The following DNAH14 variants were observed in gnomAD, a reference collection of about 807,000 sequenced individuals.
DNAH14 encodes the protein axonemal beta dynein heavy chain 14.
DNAH14 carries 478 observed loss-of-function variants against 520.9 expected under a neutral mutation model. That is an observed-to-expected ratio of 0.92 (90% confidence interval 0.85 to 0.99). The LOEUF (loss-of-function observed/expected upper bound fraction) is 0.99. Ranked by LOEUF, DNAH14 falls within the 50% of genes least tolerant of loss-of-function variation. The pLI is 0.00. For missense variants in DNAH14, 4,831 were observed against 5,234.5 expected, an observed-to-expected ratio of 0.92 and a Z score of 2.38; for synonymous variants, 1,581 against 1,757.2, an observed-to-expected ratio of 0.90 and a Z score of 2.51.
intron 21 of DNAH14, among the ~76,000 whole-genome samples, chr1:225,087,303 A>G (rs1404306020): frequency 6.6e-6 from 1 of 152,216 alleles, no homozygotes. Flanking sequence ...AATTCCCACA[A>G]TAACTAATCC....
chr1:225,248,747 T>A (rs1355963155), intron 43 of DNAH14, among the ~76,000 whole-genome samples: 2 of 152,138 alleles, frequency 1.3e-5, no homozygotes, highest in Non-Finnish European at 2.9e-5. Context: ...TGCAATGACA[T>A]AACAAATAGG....
intron 34 of DNAH14, among the ~76,000 whole-genome samples, chr1:225,154,501 C>T (rs1040871928): frequency 6.6e-6 from 1 of 152,018 alleles, no homozygotes; most frequent in Non-Finnish European, 1.5e-5. Flanking sequence ...CACTGTGGTA[C>T]TGGCTCATGA....
At chr1:225,051,969 T>C (rs1289921118) in intron 17 of DNAH14, among the ~76,000 whole-genome samples, 174 bp downstream of exon 17, 1 of 152,206 alleles carries the variant, frequency 6.6e-6, no homozygotes, top group East Asian at 1.9e-4. Context: ...GTGTATTACA[T>C]TTGTTTGTAT....
chr1:224,956,795 T>A (rs1410692911), intron 3 of DNAH14, among the ~76,000 whole-genome samples: 1 of 152,058 alleles, frequency 6.6e-6, no homozygotes, highest in East Asian at 1.9e-4. Context: ...GGCCAGAATG[T>A]TTTAATCTGT....
chr1:225,080,306 C>T (rs1439412662), intron 18 of DNAH14, 73 bp from the exon 19 acceptor site: 19 of 1,380,864 alleles, frequency 1.4e-5, no homozygotes, highest in African/African-American at 1.5e-5. Context: ...TACTAAAATG[C>T]TTTCACTGCC....
intron 10 of DNAH14, among the ~76,000 whole-genome samples, chr1:225,012,014 G>T (rs1164785140): frequency 6.6e-6 from 1 of 151,914 alleles, no homozygotes; most frequent in Non-Finnish European, 1.5e-5. Context: ...TGGTTATTTT[G>T]CCCATTAGTT....
chr1:225,106,147 G>C, intron 23 of DNAH14, among the ~76,000 whole-genome samples: 1 of 150,312 alleles, frequency 6.7e-6, no homozygotes, highest in Non-Finnish European at 1.5e-5. Flanking sequence ...ATGGAGCTTA[G>C]TTTGGCTGGA....
chr1:225,229,641 C>T (rs1490087548), intron 41 of DNAH14, among the ~76,000 whole-genome samples: 1 of 152,056 alleles, frequency 6.6e-6, no homozygotes, highest in African/African-American at 2.4e-5. Flanking sequence ...AGCTGGAAAC[C>T]ATCATTCTCA....
At chr1:225,138,668 G>A (rs1284929882) in intron 27 of DNAH14, among the ~76,000 whole-genome samples, 1 of 152,162 alleles carries the variant, frequency 6.6e-6, no homozygotes, top group Middle Eastern at 3.2e-3. Context: ...TCCACAGGTT[G>A]CAAAGATTCG....
chr1:225,285,564 A>G (rs994537279), intron 54 of DNAH14, among the ~76,000 whole-genome samples: 7 of 151,560 alleles, frequency 4.6e-5, no homozygotes, highest in African/African-American at 1.7e-4. Flanking sequence ...AAAGAAAAAT[A>G]AACAGATGCT....
intron 46 of DNAH14, among the ~76,000 whole-genome samples, chr1:225,260,643 C>T (rs537533723): frequency 4.2e-4 from 64 of 151,656 alleles, no homozygotes; most frequent in South Asian, 1.5e-3. Flanking sequence ...TTTGGCTATT[C>T]GGGATCTTTT....
At chr1:225,103,329 C>G (rs936790861) in intron 23 of DNAH14, among the ~76,000 whole-genome samples, 3 of 152,136 alleles carry the variant, frequency 2.0e-5, no homozygotes, top group African/African-American at 7.2e-5. Context: ...AGCGTGATGC[C>G]TCCAGCTTTG....
chr1:225,259,146 T>G lies in DNAH14; in HGVS notation c.7050T>G (p.Ala2350=). 1 of 1,543,014 alleles carries G rather than the reference T, an allele frequency of 6.5e-7. No homozygotes were observed. The highest frequency in any genetic ancestry group is 8.7e-7 in the Non-Finnish European group (1 of 1,144,782). Residue 2350 remains alanine (A), a synonymous_variant, in exon 46 of 86, where the codon GCT becomes GCG. Transcript: ENST00000682510. ...LTGESGVGKT[A]AINQMLEKLE... ...GAGAATCTGGTGTTGGGAAAACTGCTGCCATTAATCAAATGCTTGAAAAGC... is the reference window on the plus strand; with the variant it reads ...GAGAATCTGGTGTTGGGAAAACTGCGGCCATTAATCAAATGCTTGAAAAGC...
At chr1:225,207,378 T>C (rs1477664434) in intron 41 of DNAH14, among the ~76,000 whole-genome samples, 158 bp downstream of exon 41, 1 of 152,190 alleles carries the variant, frequency 6.6e-6, no homozygotes, top group African/African-American at 2.4e-5. Flanking sequence ...TTAAAAACCA[T>C]TTATAGAGGA....
intron 7 of DNAH14, 196 bp downstream of exon 7, chr1:224,969,070 A>C (rs1472613513): frequency 1.6e-5 from 7 of 436,484 alleles, no homozygotes. Context: ...GCATTTAAGA[A>C]GCATTTTTCC....
intron 57 of DNAH14, among the ~76,000 whole-genome samples, chr1:225,303,640 T>C (rs1377337794): frequency 6.6e-6 from 1 of 152,194 alleles, no homozygotes; most frequent in African/African-American, 2.4e-5. Context: ...GTCTCCATTC[T>C]GCATACCAGA....
In DNAH14 at chr1:225,144,285, ATTTG is replaced by A. The variant is rs1253666659; in HGVS notation, c.4509-108_4509-105del. 1.2e-5 allele frequency: 10 copies of A among 815,514 alleles called. No individual in the cohort carries two copies. In the East Asian group the frequency reaches 2.7e-4, roughly 22 times the overall value. The allele number at this position is 815,514 out of a possible 1,614,324, so 50.5% of individuals were successfully genotyped here. ...ATTTGATTTTAATTTTTTAACTTCT[ATTTG>A]TTTTTTTAATCAATGCTCCATTTTT... On this transcript the variant is annotated intron_variant, in intron 28 of 85. Coordinates refer to ENST00000682510, the MANE Select transcript of DNAH14 (RefSeq NM_001367479.1).
At chr1:225,267,188 C>T (rs1034625513) in intron 49 of DNAH14, among the ~76,000 whole-genome samples, 22 of 151,784 alleles carry the variant, frequency 1.4e-4, no homozygotes, top group African/African-American at 5.1e-4. Flanking sequence ...ATCTTAAGAT[C>T]ACAGATACAG....
At position 225,232,821 on chromosome 1, in the gene DNAH14, G is replaced by A. The variant is rs1399015265; in HGVS notation, c.6518+1670G>A. Among the ~76,000 whole-genome samples the A allele has an allele frequency of 1.3e-5, 2 of 152,188 alleles. No homozygotes were observed. The highest frequency in any genetic ancestry group is 1.3e-4 in the Admixed American group (2 of 15,274). On this transcript the variant is annotated intron_variant, in intron 42 of 85. Coordinates refer to ENST00000682510, the MANE Select transcript of DNAH14 (RefSeq NM_001367479.1). This position sits in a 1 kb window ranked among gnomAD's most constrained non-coding sequence, Gnocchi z 4.2. ...GTGCTTGATTCTTATTTTAAGTTCA[G>A]GGGTACATGCACAGGATGTGCAGGT...
Sources: gnomAD v4.1 joint callset for allele counts (sites outside exome capture counted in the v4.1 genomes callset) on GRCh38, gnomAD v4.1.1 for gene constraint, Gnocchi (gnomAD v3.1) non-coding constraint, MANE v1.5 for transcripts, NCBI Gene and HGNC (gene_info 2026-07-23, HGNC 2026-07-21) for gene names.